Variants in DLGAP2 observed in about 807,000 individuals in gnomAD.
The protein encoded by DLGAP2 is disks large-associated protein 2.
In DLGAP2, 26 loss-of-function variants were observed where a neutral mutation model predicts 100.3. That is an observed-to-expected ratio of 0.26 (90% CI 0.19 to 0.36). The LOEUF (loss-of-function observed/expected upper bound fraction) is 0.36. Among genes scored for constraint, DLGAP2 ranks in the 10% least tolerant of loss-of-function variants. The pLI is 1.00. For synonymous variants in DLGAP2, 886 were observed against 630.1 expected (o/e 1.41, Z -6.08); for missense variants, 1,858 against 1,453.2 (o/e 1.28, Z -4.53).
chr8:881,666 A>ATATATATATATATAT lies in DLGAP2; in HGVS notation c.19-26246_19-26245insTATATATATATATAT. On this transcript the variant is annotated intron_variant, in intron 1 of 14. Coordinates refer to ENST00000637795, the MANE Select transcript of DLGAP2 (RefSeq NM_001346810.2). ...AGGCGCACGCCACCACTTGTGGCTG[A>ATATATATATATATAT]ACACACACACACACACTTTTTTTTT... Among the ~76,000 whole-genome samples, 59 of 131,054 alleles carry ATATATATATATATAT rather than the reference A, an allele frequency of 4.5e-4. 3 individuals carry two copies. Among genetic ancestry groups the ATATATATATATATAT allele is most frequent in the African/African-American group, 1.6e-3 (58 of 36,750 alleles). The allele number at this position is 131,054 out of a possible 152,430, so 86.0% of individuals were successfully genotyped here. A position where few individuals can be genotyped will look rare whatever the true frequency, so the allele number is the denominator to read the frequency against.
chr8:1,456,723 G>T (rs1798323495), intron 3 of DLGAP2, among the ~76,000 whole-genome samples: 1 of 32,244 alleles, frequency 3.1e-5, no homozygotes, highest in African/African-American at 1.0e-4. Context: ...AGCAAACGCT[G>T]AAGGCCCCGG....
intron 4 of DLGAP2, among the ~76,000 whole-genome samples, chr8:1,539,509 C>T (rs1458615504): frequency 2.0e-5 from 3 of 152,174 alleles, no homozygotes; most frequent in African/African-American, 4.8e-5. Context: ...TGCCTGGAGC[C>T]AGAAGCGCGA....
At position 762,895 on chromosome 8, in the gene DLGAP2, C is replaced by T. The variant is rs574548450; in HGVS notation, c.18+25070C>T. ...GTTTCACCATATTGCTCAGGCTGGTCTCCTACTCCTGGGCTCAAGCAGTCA... is the reference window on the plus strand; with the variant it reads ...GTTTCACCATATTGCTCAGGCTGGTTTCCTACTCCTGGGCTCAAGCAGTCA... On this transcript the variant is annotated intron_variant, in intron 1 of 14. Transcript: ENST00000637795. Among the ~76,000 whole-genome samples, 18 of 152,236 alleles carry T rather than the reference C, an allele frequency of 1.2e-4. No homozygotes were observed. In the South Asian group the frequency reaches 3.5e-3, roughly 30 times the overall value.
At chr8:1,182,067 T>C (rs1029359370) in intron 2 of DLGAP2, among the ~76,000 whole-genome samples, 1 of 152,234 alleles carries the variant, frequency 6.6e-6, no homozygotes, top group East Asian at 1.9e-4. Flanking sequence ...GCCATGTGCC[T>C]GATAGATGGG....
intron 8 of DLGAP2, among the ~76,000 whole-genome samples, chr8:1,664,723 A>T (rs1352512440): frequency 6.6e-6 from 1 of 152,226 alleles, no homozygotes; most frequent in Non-Finnish European, 1.5e-5. Context: ...GATAACGGTG[A>T]AAAACAATAC....
At chr8:1,251,700 G>C (rs10086573) in intron 2 of DLGAP2, among the ~76,000 whole-genome samples, 115,723 of 152,198 alleles carry the variant, frequency 0.76, 44,796 homozygotes, top group Middle Eastern at 0.89. Flanking sequence ...GTGGAGTCAG[G>C]TCATCATGTC....
At chr8:748,063 T>C (rs371527666) in intron 1 of DLGAP2, among the ~76,000 whole-genome samples, 9 of 14,978 alleles carry the variant, frequency 6.0e-4, no homozygotes, top group Non-Finnish European at 6.1e-4. Flanking sequence ...GATGGGCGGG[T>C]CTGCGGTGGG....
intron 6 of DLGAP2, among the ~76,000 whole-genome samples, chr8:1,572,093 G>T (rs10093266): frequency 2.5e-5 from 2 of 81,198 alleles, no homozygotes; most frequent in East Asian, 6.0e-4. Flanking sequence ...CTGTGGGGGC[G>T]TCTGATGAGA....
At position 1,256,634 on chromosome 8, in the gene DLGAP2, G is replaced by A. The variant is rs146047052; in HGVS notation, c.74-2217G>A. Among the ~76,000 whole-genome samples, 141 of 146,438 alleles carry A rather than the reference G, an allele frequency of 9.6e-4. 5 individuals are homozygous for A. The East Asian group carries it at 0.025, about 25-fold the overall frequency. On this transcript the variant is annotated intron_variant, in intron 2 of 14. Transcript: ENST00000637795. ...TGCGCACAGGGACACAGTCATGTCC[G>A]CGCCTCCTGCAATCAGATGCCCGCG...
chr8:1,241,530 G>A (rs139366625), intron 2 of DLGAP2, among the ~76,000 whole-genome samples: 11 of 152,356 alleles, frequency 7.2e-5, no homozygotes, highest in African/African-American at 2.4e-4. Flanking sequence ...CCCTACAGAG[G>A]AAGCAGAACA....
At chr8:1,327,777 G>T (rs1356985647) in intron 3 of DLGAP2, among the ~76,000 whole-genome samples, 1 of 152,206 alleles carries the variant, frequency 6.6e-6, no homozygotes, top group African/African-American at 2.4e-5. Flanking sequence ...CCAGGAGGGG[G>T]AGCTTGCAAT....
chr8:752,480 A>G (rs1820816207), intron 1 of DLGAP2, among the ~76,000 whole-genome samples: 1 of 152,148 alleles, frequency 6.6e-6, no homozygotes. Flanking sequence ...CGCCAGGCAG[A>G]GGCCTGATGG....
chr8:1,204,359 T>C (rs1348445107), intron 2 of DLGAP2, among the ~76,000 whole-genome samples: 1 of 152,162 alleles, frequency 6.6e-6, no homozygotes, highest in Admixed American at 6.5e-5. Flanking sequence ...CCGGGGATTC[T>C]GGGATTTAAA....
At chr8:773,194 G>C (rs367991834) in intron 1 of DLGAP2, among the ~76,000 whole-genome samples, 270 of 152,284 alleles carry the variant, frequency 1.8e-3, no homozygotes, top group African/African-American at 6.4e-3. Context: ...TTTCTGCAAA[G>C]GCCTCTTTCT....
chr8:1,317,200 A>C (rs866931621), intron 3 of DLGAP2, among the ~76,000 whole-genome samples: 6 of 117,538 alleles, frequency 5.1e-5, no homozygotes, highest in African/African-American at 1.0e-4. Context: ...GCGTCTCTCC[A>C]ACAGTGGTCT....
chr8:1,231,252 A>C (rs570593975), intron 2 of DLGAP2, among the ~76,000 whole-genome samples: 1 of 152,228 alleles, frequency 6.6e-6, no homozygotes, highest in African/African-American at 2.4e-5. Flanking sequence ...CCATATCTCT[A>C]ATTGTTATAG....
At chr8:1,614,498 G>A (rs183005013) in intron 6 of DLGAP2, among the ~76,000 whole-genome samples, 2 of 152,176 alleles carry the variant, frequency 1.3e-5, no homozygotes, top group African/African-American at 2.4e-5. Flanking sequence ...CTTGGACCCC[G>A]CTTTGTGTTG....
At chr8:1,006,478 C>T in intron 2 of DLGAP2, among the ~76,000 whole-genome samples, 1 of 126,360 alleles carries the variant, frequency 7.9e-6, no homozygotes, top group Non-Finnish European at 1.7e-5. Context: ...TCCTTTATCA[C>T]ATCGGGGACA....
At chr8:881,036 T>G (rs1797780485) in intron 1 of DLGAP2, among the ~76,000 whole-genome samples, 1 of 152,218 alleles carries the variant, frequency 6.6e-6, no homozygotes, top group Non-Finnish European at 1.5e-5. Context: ...TATAAGTGAG[T>G]AAGGTCTACC....
Sources: gnomAD v4.1 joint callset for allele counts (sites outside exome capture counted in the v4.1 genomes callset) on GRCh38, gnomAD v4.1.1 for gene constraint, MANE v1.5 for transcripts, NCBI Gene and HGNC (gene_info 2026-07-23, HGNC 2026-07-21) for gene names.